The following TSPAN2 variants were observed in gnomAD, a reference collection of about 807,000 sequenced individuals.
The protein encoded by TSPAN2 is tetraspanin-2.
A neutral mutation model predicts 33.3 loss-of-function variants in TSPAN2; 24 were observed. That is an observed-to-expected ratio of 0.72 (90% CI 0.52 to 1.01). TSPAN2 has a LOEUF of 1.01. TSPAN2 is among the 50% of genes least tolerant of loss of function. TSPAN2 has a pLI of 0.00. For missense variants in TSPAN2, 278 were observed against 281.3 expected, an observed-to-expected ratio of 0.99 and a Z score of 0.08; for synonymous variants, 114 against 104.5, an observed-to-expected ratio of 1.09 and a Z score of -0.56.
chr1:115,062,246 G>A lies in TSPAN2; in HGVS notation c.173-14C>T, dbSNP rs369816384. On this transcript the variant is annotated splice_polypyrimidine_tract_variant and intron_variant, in intron 2 of 7. Coordinates refer to ENST00000369516, the MANE Select transcript of TSPAN2 (RefSeq NM_005725.6). ...GAACATACAGCCCTGTGGGGAAGAG[G>A]TCAGAGGAGACCACTGAGAGCCAAC... The A allele has an allele frequency of 3.2e-6, 5 of 1,570,150 alleles. No homozygotes were observed. Among genetic ancestry groups the A allele is most frequent in the Non-Finnish European group, 4.3e-6 (5 of 1,156,742 alleles).
intron 1 of TSPAN2, 52 bp downstream of exon 1, chr1:115,089,312 G>GGCCCCCAC: frequency 2.2e-6 from 3 of 1,389,166 alleles, no homozygotes; most frequent in Non-Finnish European, 2.9e-6. Context: ...CCGGCCCCGC[G>GGCCCCCAC]CCCGCCACCC....
At chr1:115,088,193 G>T (rs1245294167) in intron 1 of TSPAN2, among the ~76,000 whole-genome samples, 1 of 152,216 alleles carries the variant, frequency 6.6e-6, no homozygotes, top group African/African-American at 2.4e-5. Flanking sequence ...AGAGCTTGGA[G>T]TTGCTGAAGT....
intron 2 of TSPAN2, among the ~76,000 whole-genome samples, chr1:115,071,954 A>G (rs1648192637): frequency 6.6e-6 from 1 of 152,198 alleles, no homozygotes; most frequent in South Asian, 2.1e-4. Context: ...TGACCTGTGC[A>G]GGATGCTCTT....
In TSPAN2 at chr1:115,063,976, C is replaced by A. The variant is rs78659100; in HGVS notation, c.173-1744G>T. ...TACCTCAGTGACAGGTTCAGTCATA[C>A]CCCCAATCTCGGCATCACTCAATGT... On this transcript the variant is annotated intron_variant, in intron 2 of 7. Coordinates refer to ENST00000369516, the MANE Select transcript of TSPAN2 (RefSeq NM_005725.6). Among the ~76,000 whole-genome samples, 62 of 152,186 alleles carry A rather than the reference C, an allele frequency of 4.1e-4. No individual in the cohort carries two copies. The East Asian group carries it at 0.012, about 28-fold the overall frequency.
In TSPAN2 at chr1:115,072,887, G is replaced by A. The variant is rs1418376802; in HGVS notation, c.172+18C>T. On this transcript the variant is annotated intron_variant, in intron 2 of 7. Transcript: ENST00000369516. ...CCATCTACTCTGAGCTGGAGCTTAG[G>A]AAGCTGGAGTCACTCACCCACATAG... is the stretch of plus-strand genomic sequence containing the variant. 6.3e-7 allele frequency: 1 copy of A among 1,593,144 alleles called. No homozygotes were observed. The highest frequency in any genetic ancestry group is 1.7e-5 in the Admixed American group (1 of 59,992).
chr1:115,060,384 G>A, intron 4 of TSPAN2, 80 bp downstream of exon 4: 1 of 1,168,248 alleles, frequency 8.6e-7, no homozygotes, highest in Non-Finnish European at 1.3e-6. Flanking sequence ...GGATTATTTG[G>A]TTTCTTAACA....
intron 2 of TSPAN2, among the ~76,000 whole-genome samples, chr1:115,069,106 C>G (rs1648060209): frequency 6.6e-6 from 1 of 152,206 alleles, no homozygotes. Flanking sequence ...TACCACCAAC[C>G]ACTCTGGGCT....
chr1:115,060,837 G>T (rs1247992657), intron 3 of TSPAN2, among the ~76,000 whole-genome samples: 1 of 152,196 alleles, frequency 6.6e-6, no homozygotes, highest in Non-Finnish European at 1.5e-5. Flanking sequence ...ATAAGTTCAG[G>T]TAGTGATGTA....
intron 2 of TSPAN2, among the ~76,000 whole-genome samples, chr1:115,067,142 T>A (rs947134359): frequency 6.6e-6 from 1 of 152,248 alleles, no homozygotes; most frequent in Non-Finnish European, 1.5e-5. Flanking sequence ...AAATTGGAAC[T>A]GAACCTAGGG....
intron 1 of TSPAN2, among the ~76,000 whole-genome samples, chr1:115,085,114 C>A (rs1221049514): frequency 6.6e-6 from 1 of 151,586 alleles, no homozygotes; most frequent in African/African-American, 2.4e-5. Flanking sequence ...TATTGCTATG[C>A]AACGTAGGAA....
chr1:115,059,857 AAG>A (rs1331849926), intron 4 of TSPAN2, among the ~76,000 whole-genome samples: 4 of 152,230 alleles, frequency 2.6e-5, no homozygotes, highest in Admixed American at 2.6e-4. Context: ...TTAATGACAC[AAG>A]AGTTAATGTG....
chr1:115,060,205 T>G (rs952721186), intron 4 of TSPAN2, among the ~76,000 whole-genome samples: 1 of 145,700 alleles, frequency 6.9e-6, no homozygotes, highest in African/African-American at 2.6e-5. Context: ...TTAGAGATCC[T>G]TTTTTTTTTG....
At chr1:115,070,456 T>C (rs768942855) in intron 2 of TSPAN2, among the ~76,000 whole-genome samples, 34 of 151,062 alleles carry the variant, frequency 2.3e-4, no homozygotes, top group Middle Eastern at 3.4e-3. Flanking sequence ...GTGCAGATCA[T>C]ACCCTACCCC....
rs183012385 is a variant in TSPAN2 at position 115,053,621 on chromosome 1, A to T, written c.517-159T>A. On this transcript the variant is annotated intron_variant, in intron 6 of 7. Coordinates refer to ENST00000369516, the MANE Select transcript of TSPAN2 (RefSeq NM_005725.6). ...ATTCATCTTTGATAACATCATCCTAATAAGCTTAATGCAAAAATGCAGTTT... is the reference window on the plus strand; with the variant it reads ...ATTCATCTTTGATAACATCATCCTATTAAGCTTAATGCAAAAATGCAGTTT... Among the ~76,000 whole-genome samples, 360 of 152,286 alleles carry T rather than the reference A, an allele frequency of 2.4e-3. 1 individual carries two copies. Among genetic ancestry groups the T allele is most frequent in the Non-Finnish European group, 1.9e-3 (131 of 68,004 alleles).
At chr1:115,065,226 C>T (rs1231842025) in intron 2 of TSPAN2, among the ~76,000 whole-genome samples, 1 of 152,182 alleles carries the variant, frequency 6.6e-6, no homozygotes, top group African/African-American at 2.4e-5. Context: ...GATCCAGTTC[C>T]AAATCTGGCT....
intron 2 of TSPAN2, among the ~76,000 whole-genome samples, chr1:115,069,364 G>A (rs1183800887): frequency 6.6e-6 from 1 of 152,250 alleles, no homozygotes; most frequent in Non-Finnish European, 1.5e-5. Flanking sequence ...ATGCCCACAA[G>A]CAGCTGTCCA....
At chr1:115,063,515 C>T (rs10858063) in intron 2 of TSPAN2, among the ~76,000 whole-genome samples, 51,492 of 152,098 alleles carry the variant, frequency 0.34, 8,875 homozygotes, top group East Asian at 0.46. Flanking sequence ...TTGGAGATGA[C>T]TCAAACAACT....
rs541394888 is a variant in TSPAN2, at chr1:115,070,940, G to A, written c.172+1965C>T. On this transcript the variant is annotated intron_variant, in intron 2 of 7. Coordinates refer to ENST00000369516, the MANE Select transcript of TSPAN2 (RefSeq NM_005725.6). ...GCAGAGCCCAGGACTGTGAATGCTG[G>A]CCAATGGATTATATTTAGGTTATAC... Among the ~76,000 whole-genome samples, 17 of 152,222 alleles carry A rather than the reference G, an allele frequency of 1.1e-4. No homozygotes were observed. In the East Asian group the frequency reaches 3.3e-3, roughly 29 times the overall value.
chr1:115,066,086 T>C (rs562835345), intron 2 of TSPAN2, among the ~76,000 whole-genome samples: 5 of 152,332 alleles, frequency 3.3e-5, no homozygotes, highest in African/African-American at 1.2e-4. Context: ...ATTTCTTTCT[T>C]TTTATGGCTG....
Sources: gnomAD v4.1 joint callset for allele counts (sites outside exome capture counted in the v4.1 genomes callset) on GRCh38, gnomAD v4.1.1 for gene constraint, MANE v1.5 for transcripts, NCBI Gene and HGNC (gene_info 2026-07-23, HGNC 2026-07-21) for gene names.